Variants in PTBP3 observed in about 807,000 individuals in gnomAD.
PTBP3 encodes polypyrimidine tract-binding protein 3.
In PTBP3, 20 loss-of-function variants were observed where a neutral mutation model predicts 58.7. The observed-to-expected ratio is 0.34, with a 90% confidence interval of 0.24 to 0.50. The LOEUF (loss-of-function observed/expected upper bound fraction) is 0.50. Among genes scored for constraint, PTBP3 ranks in the 20% least tolerant of loss-of-function variants. The pLI is 0.98. For missense variants in PTBP3, 509 were observed against 637.2 expected (o/e 0.80, Z 2.17); for synonymous variants, 185 against 219.8 (o/e 0.84, Z 1.40).
chr9:112,273,687 G>A (rs1827483594), intron 3 of PTBP3, among the ~76,000 whole-genome samples: 1 of 152,016 alleles, frequency 6.6e-6, no homozygotes. Flanking sequence ...AATTTTCATA[G>A]TACAGAGTGG....
At chr9:112,224,111 T>C (rs753117331) in intron 13 of PTBP3, 22 bp downstream of exon 13, 2 of 1,563,744 alleles carry the variant, frequency 1.3e-6, no homozygotes, top group Non-Finnish European at 1.7e-6. Flanking sequence ...TTTTAATGTA[T>C]TTCTTGAAAG....
At chr9:112,368,569 CA>C in the PTBP3 span, among the ~76,000 whole-genome samples, 1 of 151,870 alleles carries the variant, frequency 6.6e-6, no homozygotes, top group Admixed American at 6.6e-5. Flanking sequence ...CACAATATTA[CA>C]ATATAACTCC....
At chr9:112,243,712 T>A (rs1835754515) in intron 7 of PTBP3, among the ~76,000 whole-genome samples, 2 of 152,252 alleles carry the variant, frequency 1.3e-5, no homozygotes, top group African/African-American at 4.8e-5. Context: ...AATAATGTTG[T>A]ACTTCTGTAT....
chr9:112,352,291 T>C, the PTBP3 span, among the ~76,000 whole-genome samples: 2 of 152,132 alleles, frequency 1.3e-5, no homozygotes, highest in Non-Finnish European at 2.9e-5. Context: ...GTTACTGGAA[T>C]TAAGGTTTTA....
chr9:112,352,241 A>G, the PTBP3 span, among the ~76,000 whole-genome samples: 1 of 152,182 alleles, frequency 6.6e-6, no homozygotes, highest in Non-Finnish European at 1.5e-5. Flanking sequence ...ATTAAAGTAC[A>G]GTATTTGAAA....
chr9:112,312,715 A>G (rs1829541553), intron 1 of PTBP3, among the ~76,000 whole-genome samples: 1 of 151,966 alleles, frequency 6.6e-6, no homozygotes, highest in South Asian at 2.1e-4. Flanking sequence ...AAATCAATGA[A>G]ATTCACCACA....
intron 5 of PTBP3, 56 bp downstream of exon 5, chr9:112,262,379 A>G: frequency 1.4e-6 from 2 of 1,408,572 alleles, no homozygotes; most frequent in Non-Finnish European, 1.9e-6. Flanking sequence ...AAAACATCAA[A>G]AGTTTCAGAG....
chr9:112,257,812 C>T (rs979862434), intron 5 of PTBP3, among the ~76,000 whole-genome samples: 41 of 151,866 alleles, frequency 2.7e-4, no homozygotes, highest in African/African-American at 9.2e-4. Context: ...TGGTGGTGGG[C>T]GCCTGTAATC....
At chr9:112,287,435 G>A (rs1405202247) in intron 2 of PTBP3, among the ~76,000 whole-genome samples, 1 of 150,644 alleles carries the variant, frequency 6.6e-6, no homozygotes. Flanking sequence ...CGCCCCCGGG[G>A]GTTCAAGCAA....
chr9:112,268,248 T>C (rs1827190861), intron 3 of PTBP3, 53 bp from the exon 4 acceptor site: 4 of 1,553,312 alleles, frequency 2.6e-6, no homozygotes, highest in Middle Eastern at 1.7e-4. Flanking sequence ...GAAAGACAGT[T>C]AAGATATATT....
chr9:112,223,815 T>C lies in PTBP3; in HGVS notation c.*36A>G. ...CTATGTCTGAAGGTTTTACTGAAAT[T>C]ATGGTCCAGTTTTAGGAGAAAAATT... On this transcript the variant is annotated 3_prime_UTR_variant, in exon 14 of 14. Transcript: ENST00000374257. 1 of 1,613,094 alleles carries C rather than the reference T, an allele frequency of 6.2e-7. No homozygotes were observed. The highest frequency in any genetic ancestry group is 8.5e-7 in the Non-Finnish European group (1 of 1,179,546).
intron 7 of PTBP3, among the ~76,000 whole-genome samples, chr9:112,249,993 G>T (rs1423044644): frequency 1.3e-5 from 2 of 151,976 alleles, no homozygotes; most frequent in African/African-American, 2.4e-5. Flanking sequence ...TTAGAAAGAT[G>T]CATTGAATCA....
At position 112,222,689 on chromosome 9, in the gene PTBP3, C is replaced by T. The variant is rs1589788836; in HGVS notation, c.*1162G>A. 1.0e-6 allele frequency: 1 copy of T among 982,950 alleles called. No homozygotes were observed. The highest frequency in any genetic ancestry group is 1.2e-6 in the Non-Finnish European group (1 of 827,354). The allele number at this position is 982,950 out of a possible 1,614,324, so 60.9% of individuals were successfully genotyped here. On this transcript the variant is annotated 3_prime_UTR_variant, in exon 14 of 14. Transcript: ENST00000374257. ...ATTGCAATGAAAAAAATTTTAAATC[C>T]TTACCAAAACAGAGAAAGAAAAAAC...
rs751467292 is a variant in PTBP3, at chr9:112,220,186, A to C, written c.*3665T>G. On this transcript the variant is annotated 3_prime_UTR_variant, in exon 14 of 14. Coordinates refer to ENST00000374257, the MANE Select transcript of PTBP3 (RefSeq NM_001163788.4). ...ATGTACTTTTGTCAATTTTTTGTCC[A>C]AAAATATCTCGTGGGAACAGAAGAG... 1.5e-6 allele frequency: 2 copies of C among 1,341,754 alleles called. No individual in the cohort carries two copies. Among genetic ancestry groups the C allele is most frequent in the Non-Finnish European group, 9.8e-7 (1 of 1,016,920 alleles). The allele number at this position is 1,341,754 out of a possible 1,614,324, so 83.1% of individuals were successfully genotyped here. A position where few individuals can be genotyped will look rare whatever the true frequency, so the allele number is the denominator to read the frequency against.
rs1205446735 is a variant in PTBP3, at chr9:112,218,823, T to C, written c.*5028A>G. 6.6e-6 allele frequency: 1 copy of C among 152,578 alleles called. No homozygotes were observed. The highest frequency in any genetic ancestry group is 2.4e-5 in the African/African-American group (1 of 41,440). 9.5% of individuals were successfully genotyped at this position (152,578 alleles called of 1,614,324 possible). Reference sequence around the variant, plus strand: ...AACCTTTTTTTCTTTTTTGGCCTTGTTAAAAAAAATGTTGTTACAAATATT... The same window carrying C: ...AACCTTTTTTTCTTTTTTGGCCTTGCTAAAAAAAATGTTGTTACAAATATT... On this transcript the variant is annotated 3_prime_UTR_variant, in exon 14 of 14. Transcript: ENST00000374257.
rs144371627 is a variant in PTBP3, at chr9:112,248,398, C to T, written c.802+2531G>A. 2.0e-3 allele frequency among the ~76,000 whole-genome samples: 309 copies of T among 151,970 alleles called. 1 individual carries two copies. The highest frequency in any genetic ancestry group is 7.2e-3 in the African/African-American group (299 of 41,468). The stretch of plus-strand genomic sequence containing the variant: ...CAAAAGAATTGCACAGGGATGGGGG[C>T]GAGAGGTAAAAGACTACACACTGGG... On this transcript the variant is annotated intron_variant, in intron 7 of 13. Transcript: ENST00000374257.
At chr9:112,331,929 T>G (rs1209806838) in intron 1 of PTBP3, among the ~76,000 whole-genome samples, 2 of 152,238 alleles carry the variant, frequency 1.3e-5, no homozygotes. Context: ...CTGCTTCCAT[T>G]ATTTAAGTCA....
the PTBP3 span, among the ~76,000 whole-genome samples, chr9:112,356,874 CTTT>C: frequency 4.4e-5 from 4 of 91,526 alleles, no homozygotes; most frequent in African/African-American, 1.3e-4. Flanking sequence ...TCATTTCCCT[CTTT>C]TTTTTTTTTT....
intron 3 of PTBP3, 104 bp downstream of exon 3, chr9:112,275,740 G>A (rs879461611): frequency 1.8e-6 from 2 of 1,088,932 alleles, no homozygotes; most frequent in Non-Finnish European, 2.5e-6. Context: ...TATGTTCATA[G>A]TATGAAATTT....
Sources: gnomAD v4.1 joint callset for allele counts (sites outside exome capture counted in the v4.1 genomes callset) on GRCh38, gnomAD v4.1.1 for gene constraint, MANE v1.5 for transcripts, NCBI Gene and HGNC (gene_info 2026-07-23, HGNC 2026-07-21) for gene names.